PRKN: variants seen among roughly 807,000 people sequenced by gnomAD.
The protein encoded by PRKN is E3 ubiquitin-protein ligase parkin.
Under a neutral mutation model 59.5 loss-of-function variants are expected in PRKN, and 56 were observed. The observed-to-expected ratio is 0.94, with a 90% CI of 0.76 to 1.18. The LOEUF (loss-of-function observed/expected upper bound fraction) is 1.18, where lower values mean the gene tolerates loss of function less well. Among genes scored for constraint, PRKN ranks in the 50% most tolerant of loss-of-function variants. PRKN has a pLI of 0.00. For missense variants in PRKN, 657 were observed against 596.4 expected (o/e 1.10, Z -1.06); for synonymous variants, 250 against 222.1 (o/e 1.13, Z -1.12).
At chr6:162,524,943 A>G (rs1273647350) in intron 1 of PRKN, among the ~76,000 whole-genome samples, 2 of 152,176 alleles carry the variant, frequency 1.3e-5, no homozygotes, top group African/African-American at 4.8e-5. Flanking sequence ...TTCCATGTGA[A>G]ATATCACTGA....
At chr6:161,481,178 G>C (rs1382813133) in intron 9 of PRKN, among the ~76,000 whole-genome samples, 1 of 152,188 alleles carries the variant, frequency 6.6e-6, no homozygotes, top group Non-Finnish European at 1.5e-5. Flanking sequence ...ACCGTATCAA[G>C]ATTTTTTTAG....
At chr6:162,083,298 A>C (rs948747940) in intron 4 of PRKN, among the ~76,000 whole-genome samples, 1 of 152,144 alleles carries the variant, frequency 6.6e-6, no homozygotes, top group South Asian at 2.1e-4. Flanking sequence ...GGTTTAAAAC[A>C]TTGTGAGAAT....
Position 162,571,249 on chromosome 6 carries a change from CAG to C in PRKN, c.8-127778_8-127777del, listed in dbSNP as rs1399530757. ...CTGAGACAGGAGAATCGCTTGAACT[CAG>C]GAGGCAGAGGTTGCAGTGAGCCGAG... is the stretch of plus-strand genomic sequence containing the variant. On this transcript the variant is annotated intron_variant, in intron 1 of 11. Coordinates refer to ENST00000366898, the MANE Select transcript of PRKN (RefSeq NM_004562.3). The C allele has an allele frequency of 2.0e-5, 3 of 151,216 alleles. No individual in the cohort carries two copies. The East Asian group carries it at 5.9e-4, about 30-fold the overall frequency. The allele number at this position is 151,216 out of a possible 1,614,324, so 9.4% of individuals were successfully genotyped here.
chr6:162,550,524 A>G (rs1257177150), intron 1 of PRKN, among the ~76,000 whole-genome samples: 2 of 152,196 alleles, frequency 1.3e-5, no homozygotes, highest in Admixed American at 6.5e-5. Flanking sequence ...CATCCTTGTC[A>G]GTCTTTGGTT....
intron 5 of PRKN, among the ~76,000 whole-genome samples, chr6:161,974,542 A>G (rs1158209163): frequency 6.6e-6 from 1 of 151,834 alleles, no homozygotes; most frequent in African/African-American, 2.4e-5. Flanking sequence ...TAACTTCTGT[A>G]TTTGTTCTCA....
intron 6 of PRKN, among the ~76,000 whole-genome samples, chr6:161,903,649 C>T (rs1332173886): frequency 1.3e-5 from 2 of 151,984 alleles, no homozygotes; most frequent in Non-Finnish European, 2.9e-5. Context: ...ACAAAACCTA[C>T]AAAACACAGT....
chr6:161,578,796 A>C lies in PRKN; in HGVS notation c.872-9380T>G, dbSNP rs1239688312. Among the ~76,000 whole-genome samples the C allele has an allele frequency of 1.3e-5, 2 of 152,224 alleles. No individual in the cohort carries two copies. The highest frequency in any genetic ancestry group is 2.9e-5 in the Non-Finnish European group (2 of 68,044). On this transcript the variant is annotated intron_variant, in intron 7 of 11. Coordinates refer to ENST00000366898, the MANE Select transcript of PRKN (RefSeq NM_004562.3). The surrounding 1 kb of genome is among the most constrained non-coding windows in gnomAD (Gnocchi z 4.2). ...AGAACATGCAGTAACAAAAGATGAA[A>C]AACACTTCTCATTTTTCTTATTTGT...
At chr6:162,390,396 T>TATATATATATATATACACACAC (rs1180636201) in intron 2 of PRKN, among the ~76,000 whole-genome samples, 9 of 84,108 alleles carry the variant, frequency 1.1e-4, no homozygotes, top group African/African-American at 2.3e-4. Context: ...TATATATATA[T>TATATATATATATATACACACAC]ACACACACAC....
intron 4 of PRKN, among the ~76,000 whole-genome samples, chr6:162,067,876 T>C (rs1209549524): frequency 6.6e-6 from 1 of 152,256 alleles, no homozygotes; most frequent in Non-Finnish European, 1.5e-5. Flanking sequence ...AAGTATTTGT[T>C]GTTTTGTTCA....
intron 6 of PRKN, among the ~76,000 whole-genome samples, chr6:161,813,580 C>T (rs987730035): frequency 1.3e-5 from 2 of 152,262 alleles, no homozygotes; most frequent in African/African-American, 4.8e-5. Context: ...GCCCCCACCC[C>T]CTATGCCCAT....
At chr6:161,715,656 T>G (rs1026927696) in intron 7 of PRKN, among the ~76,000 whole-genome samples, 2 of 152,186 alleles carry the variant, frequency 1.3e-5, no homozygotes, top group South Asian at 4.1e-4. Flanking sequence ...TCACCACTGT[T>G]GCCCAGGCCC....
At chr6:162,245,326 A>C (rs1238114660) in intron 3 of PRKN, among the ~76,000 whole-genome samples, 1 of 152,082 alleles carries the variant, frequency 6.6e-6, no homozygotes, top group Non-Finnish European at 1.5e-5. Context: ...ATTTGTATCT[A>C]GTCTAGCAAT....
At chr6:161,911,429 A>T (rs1778356767) in intron 6 of PRKN, among the ~76,000 whole-genome samples, 1 of 152,218 alleles carries the variant, frequency 6.6e-6, no homozygotes, top group African/African-American at 2.4e-5. Flanking sequence ...TTCTGTAGAA[A>T]AAAAAGTGAT....
At chr6:161,441,982 G>A (rs1789258716) in intron 9 of PRKN, among the ~76,000 whole-genome samples, 1 of 152,216 alleles carries the variant, frequency 6.6e-6, no homozygotes, top group Non-Finnish European at 1.5e-5. Flanking sequence ...CCAGCAAGCA[G>A]GGAGGACATC....
At chr6:162,109,465 C>A (rs74576002) in intron 4 of PRKN, among the ~76,000 whole-genome samples, 1 of 152,296 alleles carries the variant, frequency 6.6e-6, no homozygotes, top group East Asian at 1.9e-4. Flanking sequence ...CGCAAGGCAG[C>A]CCTGGCCAGG....
intron 3 of PRKN, among the ~76,000 whole-genome samples, chr6:162,244,852 C>A (rs941722462): frequency 6.6e-6 from 1 of 152,018 alleles, no homozygotes; most frequent in Admixed American, 6.6e-5. Flanking sequence ...GCCTCAATAT[C>A]TTTTAGCTAT....
intron 2 of PRKN, among the ~76,000 whole-genome samples, chr6:162,407,717 A>G (rs2128153031): frequency 6.6e-6 from 1 of 152,334 alleles, no homozygotes; most frequent in South Asian, 2.1e-4. Flanking sequence ...GGTATAAAAT[A>G]CTTTCACAAT....
chr6:162,604,466 G>T (rs966365315), intron 1 of PRKN, among the ~76,000 whole-genome samples: 1 of 152,118 alleles, frequency 6.6e-6, no homozygotes, highest in Non-Finnish European at 1.5e-5. Flanking sequence ...CAGACTCTTC[G>T]TAAAGCCAGC....
chr6:162,613,818 C>T (rs761296776), intron 1 of PRKN, among the ~76,000 whole-genome samples: 3 of 151,898 alleles, frequency 2.0e-5, no homozygotes, highest in Non-Finnish European at 4.4e-5. Flanking sequence ...ATAGGAGTAA[C>T]AAAAATAAAA....
Sources: gnomAD v4.1 joint callset for allele counts (sites outside exome capture counted in the v4.1 genomes callset) on GRCh38, gnomAD v4.1.1 for gene constraint, Gnocchi (gnomAD v3.1) non-coding constraint, MANE v1.5 for transcripts, NCBI Gene and HGNC (gene_info 2026-07-23, HGNC 2026-07-21) for gene names.